CA10: variants seen among roughly 807,000 people sequenced by gnomAD.
CA10 encodes the protein carbonic anhydrase-related protein 10.
In CA10, 14 loss-of-function variants were observed where a neutral mutation model predicts 44.2. The ratio of observed to expected loss-of-function variants is 0.32; its 90% confidence interval spans 0.21 to 0.50. The LOEUF (loss-of-function observed/expected upper bound fraction) is 0.50, where lower values mean the gene tolerates loss of function less well. Among genes scored for constraint, CA10 ranks in the 20% least tolerant of loss-of-function variants. The pLI, the probability that CA10 is intolerant of heterozygous loss-of-function variation, is 0.99. For synonymous variants in CA10, 159 were observed against 141.6 expected (o/e 1.12, Z -0.87); for missense variants, 350 against 409.7 (o/e 0.85, Z 1.26).
intron 8 of CA10, among the ~76,000 whole-genome samples, chr17:51,633,080 A>AGCCTTTCT (rs1567781524): frequency 6.7e-6 from 1 of 150,248 alleles, no homozygotes; most frequent in Non-Finnish European, 1.5e-5. Flanking sequence ...TGGGAACATC[A>AGCCTTTCT]GCCTTTCTGG....
At chr17:51,689,825 AT>A (rs1255494651) in intron 4 of CA10, among the ~76,000 whole-genome samples, 2 of 152,108 alleles carry the variant, frequency 1.3e-5, no homozygotes, top group African/African-American at 4.8e-5. Flanking sequence ...CAATATGTTT[AT>A]TGTGTGCAAT....
chr17:52,063,408 G>A (rs79407561), intron 2 of CA10, among the ~76,000 whole-genome samples: 92 of 152,256 alleles, frequency 6.0e-4, no homozygotes, highest in African/African-American at 1.9e-3. Context: ...AGAGTCAAGC[G>A]TGGAATGCTA....
intron 3 of CA10, among the ~76,000 whole-genome samples, chr17:51,853,347 G>T (rs552861624): frequency 1.3e-5 from 2 of 152,276 alleles, no homozygotes; most frequent in South Asian, 4.2e-4. Flanking sequence ...GACAAGGGCT[G>T]GTCTGTGGGG....
chr17:51,907,565 G>T (rs1459479869), intron 3 of CA10, among the ~76,000 whole-genome samples: 1 of 152,018 alleles, frequency 6.6e-6, no homozygotes, highest in Non-Finnish European at 1.5e-5. Flanking sequence ...TCCCCCAACT[G>T]CTGGGAGTTC....
intron 3 of CA10, among the ~76,000 whole-genome samples, chr17:51,871,050 CTTTTTTTTTTTTT>C (rs56319440): frequency 0.14 from 13,707 of 94,906 alleles, 1,031 homozygotes; most frequent in African/African-American, 0.28. Flanking sequence ...TCCCACTTTA[CTTTTTTTTTTTTT>C]TTTTTTTTTT....
chr17:51,905,113 G>C (rs909368897), intron 3 of CA10, among the ~76,000 whole-genome samples: 3 of 152,122 alleles, frequency 2.0e-5, no homozygotes, highest in Non-Finnish European at 2.9e-5. Context: ...TTCTCTTCAT[G>C]ATGACAAAAT....
intron 3 of CA10, among the ~76,000 whole-genome samples, chr17:51,809,466 T>A (rs555208857): frequency 2.9e-4 from 44 of 152,330 alleles, no homozygotes; most frequent in African/African-American, 9.9e-4. Flanking sequence ...AAAGGTTAAA[T>A]GACTTGTCTC....
intron 2 of CA10, among the ~76,000 whole-genome samples, chr17:51,947,242 A>G (rs894427257): frequency 1.3e-4 from 19 of 151,124 alleles, no homozygotes; most frequent in Admixed American, 2.6e-4. Context: ...AAAAAAAAAA[A>G]AAAAAGCCAA....
At chr17:52,025,720 G>T (rs908944561) in intron 2 of CA10, among the ~76,000 whole-genome samples, 5 of 152,010 alleles carry the variant, frequency 3.3e-5, no homozygotes, top group South Asian at 2.1e-4. Flanking sequence ...AGATATTTTT[G>T]ATTGTAGAGA....
chr17:52,145,418 T>C (rs1421552626), intron 1 of CA10, among the ~76,000 whole-genome samples: 3 of 152,168 alleles, frequency 2.0e-5, no homozygotes, highest in African/African-American at 7.2e-5. Context: ...GGCCCCAGAA[T>C]AGTAAAATTA....
chr17:51,934,615 C>T (rs919940273), intron 2 of CA10, among the ~76,000 whole-genome samples: 2 of 152,010 alleles, frequency 1.3e-5, no homozygotes, highest in African/African-American at 4.8e-5. Flanking sequence ...GAGTAACATA[C>T]ATAGAAGGGC....
intron 3 of CA10, among the ~76,000 whole-genome samples, chr17:51,867,573 A>T (rs909630548): frequency 1.3e-5 from 2 of 152,248 alleles, no homozygotes; most frequent in Admixed American, 6.5e-5. Flanking sequence ...GGTAAAGCAC[A>T]GACTGCACTT....
chr17:51,898,129 T>C (rs1012091843), intron 3 of CA10, among the ~76,000 whole-genome samples: 1 of 152,196 alleles, frequency 6.6e-6, no homozygotes, highest in Admixed American at 6.6e-5. Flanking sequence ...AGGCTGGACA[T>C]CCTTGTCTTG....
chr17:52,080,962 G>A (rs1482397978), intron 1 of CA10, among the ~76,000 whole-genome samples: 2 of 152,132 alleles, frequency 1.3e-5, no homozygotes, highest in Admixed American at 6.5e-5. Context: ...TAAGCATTGA[G>A]GGTACAAAGT....
intron 1 of CA10, among the ~76,000 whole-genome samples, chr17:52,109,617 A>C (rs1427661656): frequency 1.3e-5 from 2 of 152,210 alleles, no homozygotes; most frequent in East Asian, 1.9e-4. Flanking sequence ...AGTGGCTATT[A>C]GTTTCTAGGG....
intron 2 of CA10, among the ~76,000 whole-genome samples, chr17:51,991,448 C>G (rs1419157394): frequency 6.6e-6 from 1 of 152,138 alleles, no homozygotes; most frequent in Admixed American, 6.6e-5. Context: ...AGGACAGGGT[C>G]TAGGTTAGTT....
chr17:51,654,023 C>T (rs1282549717), intron 4 of CA10, among the ~76,000 whole-genome samples: 2 of 152,200 alleles, frequency 1.3e-5, no homozygotes, highest in Non-Finnish European at 2.9e-5. Flanking sequence ...GGACATTTCC[C>T]CTAAAGCGTG....
intron 4 of CA10, among the ~76,000 whole-genome samples, chr17:51,680,098 TG>T (rs1914790205): frequency 6.6e-6 from 1 of 152,062 alleles, no homozygotes; most frequent in African/African-American, 2.4e-5. Context: ...GGCCCTTCAC[TG>T]GAAAAAAAAA....
chr17:51,889,922 C>T (rs1368601120), intron 3 of CA10, among the ~76,000 whole-genome samples: 1 of 152,190 alleles, frequency 6.6e-6, no homozygotes, highest in Non-Finnish European at 1.5e-5. Flanking sequence ...TGACCTCAAT[C>T]CCTAGACAGA....
Sources: gnomAD v4.1 joint callset for allele counts (sites outside exome capture counted in the v4.1 genomes callset) on GRCh38, gnomAD v4.1.1 for gene constraint, MANE v1.5 for transcripts, NCBI Gene and HGNC (gene_info 2026-07-23, HGNC 2026-07-21) for gene names.